The following CTTNBP2 variants were observed in gnomAD, a reference collection of about 807,000 sequenced individuals.
CTTNBP2 encodes the protein cortactin binding protein 2.
In CTTNBP2, 108 loss-of-function variants were observed where a neutral mutation model predicts 156.9. The observed-to-expected ratio is 0.69, with a 90% CI of 0.59 to 0.81. The LOEUF (loss-of-function observed/expected upper bound fraction) is 0.81, where lower values mean the gene tolerates loss of function less well. Among genes scored for constraint, CTTNBP2 ranks in the 30% least tolerant of loss-of-function variants. CTTNBP2 has a pLI of 0.00. For missense variants in CTTNBP2, 1,924 were observed against 2,035.4 expected, an observed-to-expected ratio of 0.95 and a Z score of 1.05; for synonymous variants, 767 against 751.8, an observed-to-expected ratio of 1.02 and a Z score of -0.33.
At chr7:117,870,230 C>T (rs565096605) in intron 1 of CTTNBP2, among the ~76,000 whole-genome samples, 2 of 152,320 alleles carry the variant, frequency 1.3e-5, no homozygotes, top group East Asian at 1.9e-4. Flanking sequence ...AGATCATACT[C>T]ATGATGCCTG....
At chr7:117,837,346 C>T (rs1470794141) in intron 2 of CTTNBP2, among the ~76,000 whole-genome samples, 1 of 152,152 alleles carries the variant, frequency 6.6e-6, no homozygotes, top group Non-Finnish European at 1.5e-5. Flanking sequence ...ACTTTTCTCA[C>T]TACCACTAAT....
At chr7:117,730,755 C>T (rs138822471) in intron 16 of CTTNBP2, among the ~76,000 whole-genome samples, 1 of 150,676 alleles carries the variant, frequency 6.6e-6, no homozygotes, top group Admixed American at 6.6e-5. Flanking sequence ...CTTGGCCAGC[C>T]AAGAAAATAA....
In CTTNBP2 at chr7:117,728,348, C is replaced by T. The variant is rs1795219470; in HGVS notation, c.3877-81G>A. Reference sequence around the variant, plus strand: ...GAAGCCCAAAATTAAAAATATAAAACTTTAAATCAAAATTGAAAAGTAGCT... The same window carrying T: ...GAAGCCCAAAATTAAAAATATAAAATTTTAAATCAAAATTGAAAAGTAGCT... On this transcript the variant is annotated intron_variant, in intron 16 of 22. Transcript: ENST00000160373. 1.3e-5 allele frequency: 14 copies of T among 1,054,840 alleles called. 1 individual carries two copies. In the South Asian group the frequency reaches 1.9e-4, roughly 14 times the overall value. The allele number at this position is 1,054,840 out of a possible 1,614,324, so 65.3% of individuals were successfully genotyped here.
chr7:117,785,435 A>G (rs1798656774), intron 4 of CTTNBP2, among the ~76,000 whole-genome samples: 1 of 152,196 alleles, frequency 6.6e-6, no homozygotes, highest in African/African-American at 2.4e-5. Context: ...TCAAAATAAG[A>G]CATTTTCCGC....
intron 4 of CTTNBP2, among the ~76,000 whole-genome samples, chr7:117,787,784 A>C (rs1415916313): frequency 1.3e-5 from 2 of 152,166 alleles, no homozygotes; most frequent in Non-Finnish European, 2.9e-5. Context: ...TTAAAAGGCT[A>C]ACTTCTGTCA....
rs371183483 is a variant in CTTNBP2, at chr7:117,757,968, T to C, written c.3175A>G (p.Asn1059Asp). The part of the protein sequence containing the change: ...ARSIRSITLG[N>D]VPWSVGQSFA... ...CTCTGACCCACTGACCACGGCACAT[T>C]TCCTAGTTTCAAAAAATGAAATAAA... The change falls in exon 11 of 23, where the codon AAT becomes GAT. Residue 1059 changes from asparagine to aspartate, a missense_variant and splice_region_variant. Physicochemically the swap from Asn to Asp is conservative, Grantham distance 23 (BLOSUM62 1). Transcript: ENST00000160373. The C allele has an allele frequency of 6.2e-7, 1 of 1,610,356 alleles. No individual in the cohort carries two copies. Among genetic ancestry groups the C allele is most frequent in the South Asian group, 1.1e-5 (1 of 90,478 alleles).
chr7:117,802,437 C>CAAAAAAA (rs759797673), intron 3 of CTTNBP2, among the ~76,000 whole-genome samples: 14 of 83,694 alleles, frequency 1.7e-4, no homozygotes, highest in South Asian at 4.6e-4. Flanking sequence ...TCAGCATTGG[C>CAAAAAAA]AAAAAAAAAA....
chr7:117,858,169 A>G (rs572247299), intron 2 of CTTNBP2, among the ~76,000 whole-genome samples: 5 of 152,286 alleles, frequency 3.3e-5, no homozygotes, highest in East Asian at 1.9e-4. Context: ...AGGAGATCAA[A>G]ACCATCCTGG....
chr7:117,769,346 C>A (rs1797687016), intron 8 of CTTNBP2, among the ~76,000 whole-genome samples: 2 of 152,142 alleles, frequency 1.3e-5, no homozygotes, highest in South Asian at 2.1e-4. Context: ...ACAGACAGAA[C>A]CTTCTTGGAT....
intron 14 of CTTNBP2, among the ~76,000 whole-genome samples, chr7:117,739,468 C>T (rs572614090): frequency 6.6e-6 from 1 of 152,308 alleles, no homozygotes; most frequent in East Asian, 1.9e-4. Context: ...ACTTTATAGG[C>T]TCTCTCAGCC....
At chr7:117,841,352 T>G (rs1802265833) in intron 2 of CTTNBP2, among the ~76,000 whole-genome samples, 1 of 152,200 alleles carries the variant, frequency 6.6e-6, no homozygotes, top group African/African-American at 2.4e-5. Flanking sequence ...ATGGACTACT[T>G]GGTAGGGTCT....
chr7:117,716,317 C>A (rs1425045163), intron 22 of CTTNBP2, among the ~76,000 whole-genome samples: 4 of 151,448 alleles, frequency 2.6e-5, no homozygotes, highest in Admixed American at 2.6e-4. Context: ...ATGTTTGTTT[C>A]TTTATTAGAC....
intron 2 of CTTNBP2, among the ~76,000 whole-genome samples, chr7:117,859,961 T>C (rs1365379614): frequency 6.6e-6 from 1 of 152,214 alleles, no homozygotes; most frequent in Non-Finnish European, 1.5e-5. Flanking sequence ...GTTCTCCCCA[T>C]GTCCACCCTC....
chr7:117,790,133 A>C (rs1308690923), intron 4 of CTTNBP2, among the ~76,000 whole-genome samples: 1 of 152,176 alleles, frequency 6.6e-6, no homozygotes, highest in Non-Finnish European at 1.5e-5. Context: ...ACCAACCACT[A>C]AGATCCCATG....
intron 8 of CTTNBP2, among the ~76,000 whole-genome samples, chr7:117,776,582 C>A (rs1798114186): frequency 6.6e-6 from 1 of 152,134 alleles, no homozygotes; most frequent in Non-Finnish European, 1.5e-5. Flanking sequence ...CTCCTTTCAC[C>A]TGAACCACTC....
In CTTNBP2 at chr7:117,866,538, T is replaced by C. The variant is rs35585593; in HGVS notation, c.82-5222A>G. On this transcript the variant is annotated intron_variant, in intron 1 of 22. Coordinates refer to ENST00000160373, the MANE Select transcript of CTTNBP2 (RefSeq NM_033427.3). ...AAAATCCAGCAGGTTGTGCCTATTT[T>C]CCATCAGTAAGCTTTACACAGGAGA... 0.022 allele frequency among the ~76,000 whole-genome samples: 3,371 copies of C among 152,258 alleles called. 186 individuals are homozygous for C. In the East Asian group the frequency reaches 0.23, roughly 11 times the overall value.
intron 2 of CTTNBP2, among the ~76,000 whole-genome samples, chr7:117,811,520 C>A (rs1800279611): frequency 6.6e-6 from 1 of 152,132 alleles, no homozygotes. Flanking sequence ...CCAGGCTGGT[C>A]TCAAACTCCT....
At chr7:117,754,338 C>T (rs1278041834) in intron 12 of CTTNBP2, among the ~76,000 whole-genome samples, 1 of 152,186 alleles carries the variant, frequency 6.6e-6, no homozygotes, top group Non-Finnish European at 1.5e-5. Context: ...TTTCTTTACA[C>T]TTGTGTTGGT....
At chr7:117,801,828 G>A (rs1048681443) in intron 3 of CTTNBP2, among the ~76,000 whole-genome samples, 8 of 152,092 alleles carry the variant, frequency 5.3e-5, no homozygotes, top group African/African-American at 9.7e-5. Context: ...TGCTGATACC[G>A]TACTATTCTT....
Sources: gnomAD v4.1 joint callset for allele counts (sites outside exome capture counted in the v4.1 genomes callset) on GRCh38, gnomAD v4.1.1 for gene constraint, MANE v1.5 for transcripts, NCBI Gene and HGNC (gene_info 2026-07-23, HGNC 2026-07-21) for gene names.